Variants in MYRIP observed in about 807,000 individuals in gnomAD.
MYRIP encodes the protein myosin VIIA and Rab interacting protein, also known as rab effector MyRIP.
In MYRIP, 49 loss-of-function variants were observed where a neutral mutation model predicts 98.0. The ratio of observed to expected loss-of-function variants is 0.50; its 90% confidence interval spans 0.40 to 0.63. The LOEUF is 0.63. Among genes scored for constraint, MYRIP ranks in the 30% least tolerant of loss-of-function variants. The pLI is 0.00. For synonymous variants in MYRIP, 404 were observed against 409.5 expected, an observed-to-expected ratio of 0.99 and a Z score of 0.16; for missense variants, 1,004 against 1,058.2, an observed-to-expected ratio of 0.95 and a Z score of 0.71.
intron 12 of MYRIP, among the ~76,000 whole-genome samples, chr3:40,240,785 G>T (rs1384633643): frequency 6.6e-6 from 1 of 152,154 alleles, no homozygotes; most frequent in Admixed American, 6.5e-5. Context: ...TGGTCTGTAG[G>T]TATTTTAAAT....
intron 1 of MYRIP, among the ~76,000 whole-genome samples, chr3:39,877,184 C>G (rs1943023305): frequency 6.6e-6 from 1 of 152,200 alleles, no homozygotes; most frequent in African/African-American, 2.4e-5. Context: ...CCTTGGTTTT[C>G]AGCTCCACCA....
intron 4 of MYRIP, among the ~76,000 whole-genome samples, chr3:40,155,065 T>C (rs927125579): frequency 6.6e-6 from 1 of 152,032 alleles, no homozygotes; most frequent in Non-Finnish European, 1.5e-5. Context: ...TATGTATACA[T>C]GTGCCATGCT....
At chr3:40,121,723 C>CA (rs997951653) in intron 3 of MYRIP, among the ~76,000 whole-genome samples, 8 of 151,992 alleles carry the variant, frequency 5.3e-5, no homozygotes, top group African/African-American at 1.9e-4. Context: ...CCTGGCGTAC[C>CA]AAAAAACTCA....
intron 3 of MYRIP, among the ~76,000 whole-genome samples, chr3:40,105,385 G>C (rs1358081201): frequency 6.6e-6 from 1 of 152,148 alleles, no homozygotes; most frequent in African/African-American, 2.4e-5. Context: ...TTTATAAAGA[G>C]AAGAGGTTTA....
At chr3:40,097,377 C>G (rs1948852690) in intron 3 of MYRIP, among the ~76,000 whole-genome samples, 2 of 152,164 alleles carry the variant, frequency 1.3e-5, no homozygotes, top group Admixed American at 6.5e-5. Context: ...CCTATAGTGC[C>G]CACAAAAGAG....
intron 1 of MYRIP, among the ~76,000 whole-genome samples, chr3:39,889,686 TAAAA>T (rs984787739): frequency 1.3e-5 from 2 of 151,894 alleles, no homozygotes; most frequent in Non-Finnish European, 2.9e-5. Context: ...TAATAATAAT[TAAAA>T]AAAGACAATT....
chr3:40,227,006 C>A (rs905116050), intron 11 of MYRIP, among the ~76,000 whole-genome samples: 3 of 152,208 alleles, frequency 2.0e-5, no homozygotes, highest in Admixed American at 6.5e-5. Flanking sequence ...AAAATGCTAG[C>A]AGCACCCGGT....
At chr3:39,861,931 C>A (rs1024351316) in intron 1 of MYRIP, among the ~76,000 whole-genome samples, 1 of 152,206 alleles carries the variant, frequency 6.6e-6, no homozygotes, top group South Asian at 2.1e-4. Flanking sequence ...GGACATCATC[C>A]ATGAAAAGTT....
Position 40,237,040 on chromosome 3 carries a change from G to C in MYRIP, c.2100+2987G>C, listed in dbSNP as rs1055836841. Among the ~76,000 whole-genome samples the C allele has an allele frequency of 2.0e-5, 3 of 152,122 alleles. No homozygotes were observed. In the South Asian group the frequency reaches 6.2e-4, roughly 31 times the overall value. ...ATAAAAATTTTTTGAATGCAGGCTG[G>C]GTGTGGTGGCTCACACCTGTAATCC... On this transcript the variant is annotated intron_variant, in intron 12 of 16. Transcript: ENST00000302541.
At chr3:40,158,005 C>T (rs892244490) in intron 4 of MYRIP, among the ~76,000 whole-genome samples, 27 of 152,040 alleles carry the variant, frequency 1.8e-4, no homozygotes, top group Non-Finnish European at 3.4e-4. Flanking sequence ...TTCAGTTCTG[C>T]TCTGATCTTA....
chr3:40,084,292 G>T (rs1360747965), intron 3 of MYRIP, among the ~76,000 whole-genome samples: 1 of 33,066 alleles, frequency 3.0e-5, no homozygotes, highest in African/African-American at 1.1e-4. Flanking sequence ...ATTATATATC[G>T]ATATATAATA....
At chr3:40,084,615 A>AGATAATACACATCTATGTATTATCTATC in intron 3 of MYRIP, among the ~76,000 whole-genome samples, 3 of 130,660 alleles carry the variant, frequency 2.3e-5, no homozygotes, top group Admixed American at 7.7e-5. Context: ...ATCTATCGAT[A>AGATAATACACATCTATGTATTATCTATC]GATAATACAC....
At chr3:39,908,881 G>T (rs1192082452) in intron 2 of MYRIP, among the ~76,000 whole-genome samples, 1 of 152,184 alleles carries the variant, frequency 6.6e-6, no homozygotes, top group African/African-American at 2.4e-5. Flanking sequence ...AAATAACTGT[G>T]TGTGCACAGA....
intron 2 of MYRIP, among the ~76,000 whole-genome samples, chr3:39,910,707 T>C (rs1199638962): frequency 6.6e-6 from 1 of 152,134 alleles, no homozygotes; most frequent in Non-Finnish European, 1.5e-5. Flanking sequence ...TAATTTCACT[T>C]TTTTTTACTT....
intron 2 of MYRIP, among the ~76,000 whole-genome samples, chr3:40,000,755 C>A (rs7634199): frequency 6.6e-6 from 1 of 152,066 alleles, no homozygotes; most frequent in Non-Finnish European, 1.5e-5. Context: ...CATCCCCATT[C>A]GCTGGTCATT....
At chr3:39,830,981 T>A (rs753491142) in intron 1 of MYRIP, among the ~76,000 whole-genome samples, 1 of 152,210 alleles carries the variant, frequency 6.6e-6, no homozygotes, top group East Asian at 1.9e-4. Context: ...CACCATGTTA[T>A]GGAATACAAT....
At chr3:39,857,255 G>A (rs60081812) in intron 1 of MYRIP, among the ~76,000 whole-genome samples, 54 of 135,894 alleles carry the variant, frequency 4.0e-4, no homozygotes, top group South Asian at 7.3e-4. Flanking sequence ...GGGAGGGAGG[G>A]AGGAAGGAAG....
chr3:40,149,907 G>T (rs568954262), intron 3 of MYRIP, among the ~76,000 whole-genome samples: 2 of 152,182 alleles, frequency 1.3e-5, no homozygotes, highest in East Asian at 3.9e-4. Context: ...ATGTGGGATT[G>T]TTCTTCCATT....
chr3:39,982,260 C>T (rs919845518), intron 2 of MYRIP, among the ~76,000 whole-genome samples: 22 of 152,142 alleles, frequency 1.4e-4, no homozygotes, highest in African/African-American at 5.3e-4. Context: ...CAGAGTTGAA[C>T]AGGGCTTTGT....
Sources: gnomAD v4.1 joint callset for allele counts (sites outside exome capture counted in the v4.1 genomes callset) on GRCh38, gnomAD v4.1.1 for gene constraint, MANE v1.5 for transcripts, NCBI Gene and HGNC (gene_info 2026-07-23, HGNC 2026-07-21) for gene names.